The following COL11A1 variants were observed in gnomAD, a reference collection of about 807,000 sequenced individuals.
COL11A1 encodes collagen type XI alpha 1 chain.
Under a neutral mutation model 265.2 loss-of-function variants are expected in COL11A1, and 74 were observed. The observed-to-expected ratio is 0.28, with a 90% CI of 0.23 to 0.34. COL11A1 has a LOEUF of 0.34. Ranked by LOEUF, COL11A1 falls within the 10% of genes least tolerant of loss-of-function variation. COL11A1 has a pLI of 1.00. For missense variants in COL11A1, 2,165 were observed against 2,263.6 expected (o/e 0.96, Z 0.88); for synonymous variants, 816 against 727.6 (o/e 1.12, Z -1.96).
Position 103,002,683 on chromosome 1 carries a change from C to T in COL11A1, c.2043+64G>A. On this transcript the variant is annotated intron_variant, in intron 22 of 66. Transcript: ENST00000370096. ...AATCATTATATTTTAGATTTAACAA[C>T]AAAAAATGGTTTCTTAGGGCTTATA... 7 of 1,409,890 alleles carry T rather than the reference C, an allele frequency of 5.0e-6. No homozygotes were observed. The South Asian group carries it at 5.8e-5, about 12-fold the overall frequency. 87.3% of individuals were successfully genotyped at this position (1,409,890 alleles called of 1,614,324 possible).
intron 4 of COL11A1, among the ~76,000 whole-genome samples, chr1:103,032,612 TAA>T (rs1244722775): frequency 6.6e-6 from 1 of 152,086 alleles, no homozygotes; most frequent in Non-Finnish European, 1.5e-5. Context: ...GAATTGAGTA[TAA>T]GTTATTTAAT....
At chr1:102,895,206 A>C (rs1223168070) in intron 57 of COL11A1, among the ~76,000 whole-genome samples, 1 of 152,170 alleles carries the variant, frequency 6.6e-6, no homozygotes, top group Non-Finnish European at 1.5e-5. Context: ...TTAAAAAATC[A>C]GTTTGTTTTA....
chr1:102,881,907 T>C (rs1331539171), intron 64 of COL11A1, 142 bp from the exon 65 acceptor site: 2 of 674,574 alleles, frequency 3.0e-6, no homozygotes, highest in African/African-American at 3.6e-5. Flanking sequence ...ACAAATTAGA[T>C]TATACAAAAT....
intron 65 of COL11A1, among the ~76,000 whole-genome samples, chr1:102,880,935 T>C (rs1650162968): frequency 6.6e-6 from 1 of 152,018 alleles, no homozygotes; most frequent in South Asian, 2.1e-4. Context: ...ATATTTAATA[T>C]GCAACTTGAA....
chr1:102,903,750 G>T (rs1057246366), intron 54 of COL11A1, among the ~76,000 whole-genome samples: 1 of 152,182 alleles, frequency 6.6e-6, no homozygotes, highest in Non-Finnish European at 1.5e-5. Context: ...TCAATTCATA[G>T]AATTCACTCT....
intron 14 of COL11A1, among the ~76,000 whole-genome samples, chr1:103,010,848 G>GCC (rs1666060134): frequency 6.6e-6 from 1 of 151,942 alleles, no homozygotes; most frequent in Non-Finnish European, 1.5e-5. Context: ...TTACAGGCAT[G>GCC]TGCCACCACA....
chr1:102,998,472 A>G (rs1664835508), intron 24 of COL11A1, 109 bp from the exon 25 acceptor site: 4 of 652,850 alleles, frequency 6.1e-6, no homozygotes, highest in Admixed American at 3.1e-5. Context: ...GCTTCAATTC[A>G]TAAGTAATAA....
rs746882221 is a variant in COL11A1, at chr1:102,881,724, C to A, written c.5013G>T (p.Trp1671Cys). The A allele has an allele frequency of 9.3e-6, 15 of 1,612,600 alleles. No individual in the cohort carries two copies. Among genetic ancestry groups the A allele is most frequent in the Non-Finnish European group, 1.1e-5 (13 of 1,179,108 alleles). The change falls in exon 65 of 67, where the codon TGG (tryptophan) becomes TGT (cysteine). Residue 1671 changes from tryptophan to cysteine, a missense_variant. Physicochemically the swap from Trp to Cys is radical, Grantham distance 215. Transcript: ENST00000370096. The part of the protein sequence containing the change: ...SSWPKEKPGS[W>C]FSEFKRGKLL... ...GTTTTCCCCTCTTAAATTCACTAAACCAACTTCCTGGTTTCTCCTTTGGCC... is the reference window on the plus strand; with the variant it reads ...GTTTTCCCCTCTTAAATTCACTAAAACAACTTCCTGGTTTCTCCTTTGGCC...
intron 7 of COL11A1, among the ~76,000 whole-genome samples, chr1:103,024,210 T>C (rs12750303): frequency 0.079 from 11,984 of 152,200 alleles, 527 homozygotes; most frequent in Middle Eastern, 0.15. Context: ...CACTGCAGCC[T>C]GGGACTCCTG....
chr1:102,988,140 AG>A (rs1663763160), intron 29 of COL11A1, among the ~76,000 whole-genome samples: 1 of 152,232 alleles, frequency 6.6e-6, no homozygotes. Context: ...TAGCCTTTTG[AG>A]ATGTCTTTTC....
chr1:102,906,732 C>CT (rs1654031583), intron 54 of COL11A1, among the ~76,000 whole-genome samples: 1 of 150,072 alleles, frequency 6.7e-6, no homozygotes. Context: ...TTTTCTTTTT[C>CT]TTTTTTCAAG....
At chr1:102,923,245 C>A in intron 47 of COL11A1, 91 bp downstream of exon 47, 1 of 940,416 alleles carries the variant, frequency 1.1e-6, no homozygotes, top group Non-Finnish European at 1.6e-6. Context: ...ATAATATATA[C>A]ATAGTAATGA....
At chr1:103,052,579 A>G (rs1669916461) in intron 4 of COL11A1, among the ~76,000 whole-genome samples, 1 of 152,140 alleles carries the variant, frequency 6.6e-6, no homozygotes, top group Non-Finnish European at 1.5e-5. Context: ...CTATGTTTCT[A>G]TATCCCTTAC....
At chr1:102,939,823 A>G (rs956384125) in intron 43 of COL11A1, among the ~76,000 whole-genome samples, 4 of 152,144 alleles carry the variant, frequency 2.6e-5, no homozygotes, top group Non-Finnish European at 5.9e-5. Context: ...TTTAAATAAT[A>G]TTTTAAAATA....
intron 36 of COL11A1, 82 bp from the exon 37 acceptor site, chr1:102,970,354 C>A (rs1189283042): frequency 8.7e-6 from 10 of 1,153,082 alleles, no homozygotes; most frequent in Non-Finnish European, 1.2e-5. Flanking sequence ...AGAAAATTTT[C>A]TTTTCTTTTT....
At chr1:103,025,913 C>A (rs762327946) in intron 6 of COL11A1, 1 of 1,612,426 alleles carries the variant, frequency 6.2e-7, no homozygotes, top group East Asian at 2.2e-5. Flanking sequence ...GATTTAGTAG[C>A]CACTGTCCTC....
intron 1 of COL11A1, chr1:103,100,190 A>G (rs1674135148): frequency 6.6e-6 from 1 of 151,602 alleles, no homozygotes; most frequent in South Asian, 2.1e-4. Flanking sequence ...TGGATAATCA[A>G]CTCTGACATT....
chr1:103,093,589 G>T (rs1296280876), intron 1 of COL11A1, among the ~76,000 whole-genome samples: 2 of 152,132 alleles, frequency 1.3e-5, no homozygotes, highest in Non-Finnish European at 2.9e-5. Context: ...CTAACCCCAA[G>T]CCTTGAAGGG....
intron 20 of COL11A1, among the ~76,000 whole-genome samples, chr1:103,003,831 C>T (rs1189926877): frequency 2.6e-5 from 4 of 152,246 alleles, no homozygotes; most frequent in Non-Finnish European, 2.9e-5. Context: ...CACCTGCTCA[C>T]CTTCTTTTCC....
Sources: allele counts gnomAD v4.1 joint callset (sites outside exome capture counted in the v4.1 genomes callset), GRCh38; gene constraint gnomAD v4.1.1; transcripts MANE v1.5; gene names NCBI Gene and HGNC (gene_info 2026-07-23, HGNC 2026-07-21).